Variants in PEAK1 observed in about 807,000 individuals in gnomAD.
PEAK1 encodes pseudopodium enriched atypical kinase 1.
A neutral mutation model predicts 124.7 loss-of-function variants in PEAK1; 54 were observed. The observed-to-expected ratio is 0.43, with a 90% confidence interval of 0.35 to 0.54. PEAK1 has a LOEUF of 0.54. PEAK1 is among the 20% of genes least tolerant of loss of function. The pLI, the probability that PEAK1 is intolerant of heterozygous loss-of-function variation, is 0.01. For missense variants in PEAK1, 2,046 were observed against 2,134.5 expected (o/e 0.96, Z 0.82); for synonymous variants, 719 against 760.0 (o/e 0.95, Z 0.89).
At chr15:77,296,613 C>CA (rs1167453994) in intron 2 of PEAK1, among the ~76,000 whole-genome samples, 5 of 140,810 alleles carry the variant, frequency 3.6e-5, no homozygotes, top group Admixed American at 1.4e-4. Flanking sequence ...GACTCTGTCT[C>CA]AAAAAAATAA....
chr15:77,249,400 T>G (rs181857305), intron 6 of PEAK1, among the ~76,000 whole-genome samples: 1 of 152,336 alleles, frequency 6.6e-6, no homozygotes, highest in African/African-American at 2.4e-5. Flanking sequence ...AATGTTACTC[T>G]TTAAATTTTA....
At chr15:77,178,172 C>T (rs1352704187) in intron 7 of PEAK1, 1 of 152,302 alleles carries the variant, frequency 6.6e-6, no homozygotes, top group African/African-American at 2.4e-5. Context: ...TCTAGCTGAA[C>T]TGAATATTAT....
At chr15:77,183,328 A>C (rs1449432087) in intron 6 of PEAK1, among the ~76,000 whole-genome samples, 2 of 152,226 alleles carry the variant, frequency 1.3e-5, no homozygotes. Flanking sequence ...TGTATGCTTC[A>C]CTTTTACTGC....
chr15:77,142,977 A>G lies in PEAK1; in HGVS notation c.3332-9227T>C, dbSNP rs2053904099. 2.0e-5 allele frequency among the ~76,000 whole-genome samples: 3 copies of G among 152,200 alleles called. No homozygotes were observed. The South Asian group carries it at 6.2e-4, about 31-fold the overall frequency. ...CACTTTAGTAGGGTGAATTTTATGG[A>G]ATATAAATTATATCTCAATAAAGAA... On this transcript the variant is annotated intron_variant, in intron 8 of 9. Transcript: ENST00000682557.
chr15:77,313,726 G>GTATA lies in PEAK1; in HGVS notation c.-602-27226_-602-27223dup, dbSNP rs1555478191. Among the ~76,000 whole-genome samples the GTATA allele has an allele frequency of 9.8e-3, 1,066 of 108,592 alleles. 29 individuals carry two copies. The highest frequency in any genetic ancestry group is 0.034 in the African/African-American group (1,000 of 29,284). The allele number at this position is 108,592 out of a possible 152,430, so 71.2% of individuals were successfully genotyped here. A position where few individuals can be genotyped will look rare whatever the true frequency, so the allele number is the denominator to read the frequency against. ...TATATGTATGTGTGTGTGTGTGTGT[G>GTATA]TATATATATATATATTTATTTATTT... is the stretch of plus-strand genomic sequence containing the variant. On this transcript the variant is annotated intron_variant, in intron 2 of 9. Transcript: ENST00000682557.
intron 9 of PEAK1, among the ~76,000 whole-genome samples, chr15:77,120,113 T>G (rs1321943232): frequency 6.6e-6 from 1 of 152,232 alleles, no homozygotes; most frequent in Non-Finnish European, 1.5e-5. Context: ...TTGAATGGCA[T>G]GGTGTTACTC....
chr15:77,361,936 A>G (rs80195397), intron 2 of PEAK1, among the ~76,000 whole-genome samples: 3,432 of 152,266 alleles, frequency 0.023, 104 homozygotes, highest in African/African-American at 0.072. Context: ...TTGCAGCAAC[A>G]TGGATGAGAC....
intron 9 of PEAK1, among the ~76,000 whole-genome samples, chr15:77,126,758 G>C (rs1002003150): frequency 2.0e-5 from 3 of 152,142 alleles, no homozygotes; most frequent in African/African-American, 7.2e-5. Flanking sequence ...CTTGGACCCA[G>C]GTCAGCTGAC....
intron 9 of PEAK1, among the ~76,000 whole-genome samples, chr15:77,131,362 G>A (rs900762818): frequency 2.6e-5 from 4 of 152,170 alleles, no homozygotes; most frequent in African/African-American, 9.7e-5. Context: ...GCATGGTGGT[G>A]CACACCTATA....
chr15:77,324,316 C>CG lies in PEAK1; in HGVS notation c.-602-37813_-602-37812insC, dbSNP rs1379244659. On this transcript the variant is annotated intron_variant, in intron 2 of 9. Transcript: ENST00000682557. ...CCACATGGTGAAACCCCCATCTCTA[C>CG]TAAAAATACAAAAAATTAGCTGGGC... Among the ~76,000 whole-genome samples the CG allele has an allele frequency of 7.9e-5, 12 of 152,110 alleles. No homozygotes were observed. The East Asian group carries it at 1.7e-3, about 22-fold the overall frequency.
intron 6 of PEAK1, among the ~76,000 whole-genome samples, chr15:77,220,818 G>A (rs897200375): frequency 1.3e-5 from 2 of 152,004 alleles, no homozygotes; most frequent in Admixed American, 6.6e-5. Flanking sequence ...ACAGTATAGC[G>A]ATAGGAGAGA....
intron 6 of PEAK1, among the ~76,000 whole-genome samples, chr15:77,199,421 C>A (rs2058256762): frequency 6.6e-6 from 1 of 152,114 alleles, no homozygotes; most frequent in African/African-American, 2.4e-5. Context: ...TACAAAGTTC[C>A]ATGTGGAAAG....
chr15:77,344,013 T>C (rs1051572477), intron 2 of PEAK1, among the ~76,000 whole-genome samples: 1 of 152,226 alleles, frequency 6.6e-6, no homozygotes, highest in Admixed American at 6.5e-5. Context: ...TTGAAAAGAC[T>C]GTCCTTTCCT....
At chr15:77,214,796 T>C (rs2059072894) in intron 6 of PEAK1, among the ~76,000 whole-genome samples, 1 of 151,442 alleles carries the variant, frequency 6.6e-6, no homozygotes, top group Non-Finnish European at 1.5e-5. Flanking sequence ...AAGATGAAGG[T>C]GTCACACACT....
At chr15:77,411,622 T>C (rs1045824161) in intron 1 of PEAK1, among the ~76,000 whole-genome samples, 1 of 152,212 alleles carries the variant, frequency 6.6e-6, no homozygotes, top group Non-Finnish European at 1.5e-5. Flanking sequence ...TACCTTTTTT[T>C]TTAAATACAG....
intron 2 of PEAK1, among the ~76,000 whole-genome samples, chr15:77,342,276 T>C (rs1262220416): frequency 6.6e-6 from 1 of 152,048 alleles, no homozygotes; most frequent in African/African-American, 2.4e-5. Context: ...TTTTTTATCA[T>C]GCAAATCTGA....
rs1476926876 is a variant in PEAK1, at chr15:77,402,591, C to G, written c.-666+17415G>C. 3 of 981,520 alleles carry G rather than the reference C, an allele frequency of 3.1e-6. No homozygotes were observed. In the African/African-American group the frequency reaches 5.2e-5, roughly 17 times the overall value. The allele number at this position is 981,520 out of a possible 1,614,324, so 60.8% of individuals were successfully genotyped here. On this transcript the variant is annotated intron_variant, in intron 1 of 9. Transcript: ENST00000682557. ...CTGTCATCAAATAATGAAAGATATGCTCCAGTTTTGAATGAAGGTACAAAG... is the reference window on the plus strand; with the variant it reads ...CTGTCATCAAATAATGAAAGATATGGTCCAGTTTTGAATGAAGGTACAAAG...
chr15:77,386,649 G>C (rs186719232), intron 1 of PEAK1, among the ~76,000 whole-genome samples: 4 of 152,278 alleles, frequency 2.6e-5, no homozygotes, highest in African/African-American at 7.2e-5. Context: ...TAAAATGAGA[G>C]ACTCAGAGAT....
chr15:77,159,647 AAAG>A (rs1255377626), intron 7 of PEAK1, among the ~76,000 whole-genome samples: 4 of 152,356 alleles, frequency 2.6e-5, no homozygotes, highest in Middle Eastern at 3.4e-3. Flanking sequence ...TGAAAAAAAG[AAAG>A]AAGGAAGGAA....
Sources: allele counts gnomAD v4.1 joint callset (sites outside exome capture counted in the v4.1 genomes callset), GRCh38; gene constraint gnomAD v4.1.1; transcripts MANE v1.5; gene names NCBI Gene and HGNC (gene_info 2026-07-23, HGNC 2026-07-21).